C6: variants seen among roughly 807,000 people sequenced by gnomAD.
C6 encodes the protein complement C6.
In C6, 101 loss-of-function variants were observed where a neutral mutation model predicts 112.9. The observed-to-expected ratio is 0.89, with a 90% CI of 0.76 to 1.06. The LOEUF (loss-of-function observed/expected upper bound fraction) is 1.06, where lower values mean the gene tolerates loss of function less well. C6 is among the 50% of genes least tolerant of loss of function. The pLI, the probability that C6 is intolerant of heterozygous loss-of-function variation, is 0.00. For missense variants in C6, 1,202 were observed against 1,104.6 expected, an observed-to-expected ratio of 1.09 and a Z score of -1.25; for synonymous variants, 431 against 384.1, an observed-to-expected ratio of 1.12 and a Z score of -1.43.
chr5:41,165,409 G>T (rs1747894841), intron 9 of C6, among the ~76,000 whole-genome samples: 1 of 152,082 alleles, frequency 6.6e-6, no homozygotes, highest in South Asian at 2.1e-4. Context: ...GCAATGTATG[G>T]CAGGTTGTGA....
Position 41,203,234 on chromosome 5 carries a change from T to C in C6, c.-4A>G, listed in dbSNP as rs1271064330. 2 of 1,614,110 alleles carry C rather than the reference T, an allele frequency of 1.2e-6. No homozygotes were observed. The highest frequency in any genetic ancestry group is 1.7e-6 in the Non-Finnish European group (2 of 1,179,964). ...ACAAGACAGAGCGTCTGGCCATGCC[T>C]TGAGAGCCTCCAGGCCCTAAAATGA... On this transcript the variant is annotated 5_prime_UTR_variant, in exon 2 of 18. Transcript: ENST00000337836.
At chr5:41,209,495 C>T (rs1471745616) in intron 1 of C6, among the ~76,000 whole-genome samples, 2 of 152,148 alleles carry the variant, frequency 1.3e-5, no homozygotes, top group Non-Finnish European at 2.9e-5. Context: ...CCAAAATCTC[C>T]TTAAGCTGAT....
At chr5:41,164,769 A>G (rs1015796842) in intron 9 of C6, among the ~76,000 whole-genome samples, 2 of 152,138 alleles carry the variant, frequency 1.3e-5, no homozygotes, top group Admixed American at 6.6e-5. Context: ...CAATTCCTCT[A>G]CATTAACTCA....
At chr5:41,160,449 A>G in intron 10 of C6, 82 bp from the exon 11 acceptor site, 1 of 1,091,086 alleles carries the variant, frequency 9.2e-7, no homozygotes, top group Non-Finnish European at 1.4e-6. Context: ...CTCTGAAATG[A>G]GAGGGAAAGC....
At chr5:41,224,801 C>A (rs1359894468) in intron 1 of C6, among the ~76,000 whole-genome samples, 1 of 152,066 alleles carries the variant, frequency 6.6e-6, no homozygotes, top group South Asian at 2.1e-4. Flanking sequence ...GTAGCTCTAT[C>A]TTTAACATTT....
intron 1 of C6, among the ~76,000 whole-genome samples, chr5:41,224,717 T>C (rs1739382679): frequency 6.6e-6 from 1 of 152,186 alleles, no homozygotes; most frequent in African/African-American, 2.4e-5. Context: ...AACATTTGTG[T>C]ACATGTTTTG....
Position 41,152,555 on chromosome 5 carries a change from G to A in C6, c.2290+1255C>T, listed in dbSNP as rs568997151. Among the ~76,000 whole-genome samples the A allele has an allele frequency of 1.1e-3, 166 of 152,264 alleles. 8 individuals are homozygous for A. The South Asian group carries it at 0.033, about 30-fold the overall frequency. On this transcript the variant is annotated intron_variant, in intron 15 of 17. Coordinates refer to ENST00000337836, the MANE Select transcript of C6 (RefSeq NM_000065.5). ...CAAGTAGAAGGTTTGATAAGGAAAGGTGGCTCACGTAAGAAGCAAAAATAA... is the reference window on the plus strand; with the variant it reads ...CAAGTAGAAGGTTTGATAAGGAAAGATGGCTCACGTAAGAAGCAAAAATAA...
At chr5:41,206,784 C>T (rs1007939520) in intron 1 of C6, among the ~76,000 whole-genome samples, 4 of 152,278 alleles carry the variant, frequency 2.6e-5, no homozygotes, top group Middle Eastern at 3.4e-3. Context: ...CGAGTGGAAC[C>T]GAGTTGGAAA....
chr5:41,183,081 AT>A (rs1359542600), intron 6 of C6, among the ~76,000 whole-genome samples: 4 of 152,158 alleles, frequency 2.6e-5, no homozygotes, highest in African/African-American at 9.7e-5. Context: ...TTGCTATAGC[AT>A]TTTTCTTTTC....
At chr5:41,161,061 T>G (rs1173598326) in intron 10 of C6, among the ~76,000 whole-genome samples, 1 of 152,162 alleles carries the variant, frequency 6.6e-6, no homozygotes, top group Admixed American at 6.5e-5. Flanking sequence ...AGGCAAATGA[T>G]TCTATTTTCA....
intron 1 of C6, among the ~76,000 whole-genome samples, chr5:41,226,592 A>ACAT (rs935563327): frequency 1.3e-5 from 2 of 152,140 alleles, no homozygotes; most frequent in African/African-American, 4.8e-5. Context: ...CTCATGAACA[A>ACAT]CATCTCCCCC....
Position 41,143,062 on chromosome 5 carries a change from T to C in C6, c.2624-56A>G. 4 of 1,530,670 alleles carry C rather than the reference T, an allele frequency of 2.6e-6. No individual in the cohort carries two copies. In the South Asian group the frequency reaches 3.4e-5, roughly 13 times the overall value. The allele number at this position is 1,530,670 out of a possible 1,614,324, so 94.8% of individuals were successfully genotyped here. A position where few individuals can be genotyped will look rare whatever the true frequency, so the allele number is the denominator to read the frequency against. On this transcript the variant is annotated intron_variant, in intron 17 of 17. Coordinates refer to ENST00000337836, the MANE Select transcript of C6 (RefSeq NM_000065.5). ...TTACCACAGTACATTAGGGTTTGGC[T>C]TTATCTAAATCATCCCCAGGGTGGC...
chr5:41,191,012 A>C lies in C6; in HGVS notation c.587+4780T>G, dbSNP rs112796549. ...CTGCTTGGGTTACCATAGCTTTGTA[A>C]CATGTAACACATGTAACATGTATAT... On this transcript the variant is annotated intron_variant, in intron 5 of 17. Transcript: ENST00000337836. Among the ~76,000 whole-genome samples, 1,072 of 117,510 alleles carry C rather than the reference A, an allele frequency of 9.1e-3. 3 individuals carry two copies. Among genetic ancestry groups the C allele is most frequent in the Non-Finnish European group, 0.018 (826 of 46,900 alleles). The allele number at this position is 117,510 out of a possible 152,430, so 77.1% of individuals were successfully genotyped here.
intron 16 of C6, 32 bp from the exon 17 acceptor site, chr5:41,149,514 A>G: frequency 6.2e-7 from 1 of 1,612,674 alleles, no homozygotes; most frequent in Non-Finnish European, 8.5e-7. Context: ...GCATTTCTAT[A>G]TGAAGATCAG....
At chr5:41,171,192 C>T (rs184004601) in intron 9 of C6, among the ~76,000 whole-genome samples, 1 of 152,100 alleles carries the variant, frequency 6.6e-6, no homozygotes, top group African/African-American at 2.4e-5. Context: ...CAGAGACATT[C>T]AGGAGGTAGA....
chr5:41,203,902 G>A (rs10155551), intron 1 of C6, among the ~76,000 whole-genome samples: 16,390 of 152,090 alleles, frequency 0.11, 868 homozygotes, highest in African/African-American at 0.14. Flanking sequence ...ATGAGGTGAA[G>A]CCCTTCACTG....
In C6 at chr5:41,211,217, T is replaced by C. The variant is rs1231153672; in HGVS notation, c.-21+2159A>G. ...ACACTTGGACACAGGGTGGTGAACATCATACACCGGGGCCTGTAGTGGGGT... is the reference window on the plus strand; with the variant it reads ...ACACTTGGACACAGGGTGGTGAACACCATACACCGGGGCCTGTAGTGGGGT... On this transcript the variant is annotated intron_variant, in intron 1 of 17. Coordinates refer to ENST00000337836, the MANE Select transcript of C6 (RefSeq NM_000065.5). Among the ~76,000 whole-genome samples the C allele has an allele frequency of 3.3e-5, 5 of 151,936 alleles. No homozygotes were observed. The East Asian group carries it at 9.7e-4, about 30-fold the overall frequency.
intron 1 of C6, among the ~76,000 whole-genome samples, chr5:41,207,072 C>T (rs1463819276): frequency 6.6e-6 from 1 of 152,174 alleles, no homozygotes; most frequent in African/African-American, 2.4e-5. Context: ...GGCCAATATA[C>T]AACATTCTTA....
chr5:41,178,973 C>G (rs760699777), intron 7 of C6, among the ~76,000 whole-genome samples: 1 of 152,166 alleles, frequency 6.6e-6, no homozygotes, highest in Non-Finnish European at 1.5e-5. Flanking sequence ...CCTGTCTCAG[C>G]CTCCTGAGTA....
Sources: gnomAD v4.1 joint callset for allele counts (sites outside exome capture counted in the v4.1 genomes callset) on GRCh38, gnomAD v4.1.1 for gene constraint, MANE v1.5 for transcripts, NCBI Gene and HGNC (gene_info 2026-07-23, HGNC 2026-07-21) for gene names.